EPB41: variants seen among roughly 807,000 people sequenced by gnomAD.
EPB41 encodes the protein protein 4.1.
In EPB41, 65 loss-of-function variants were observed where a neutral mutation model predicts 108.0. That is an observed-to-expected ratio of 0.60 (90% CI 0.49 to 0.74). The LOEUF (loss-of-function observed/expected upper bound fraction) is 0.74, where lower values mean the gene tolerates loss of function less well. EPB41 is among the 30% of genes least tolerant of loss of function. EPB41 has a pLI of 0.00. For synonymous variants in EPB41, 336 were observed against 358.9 expected (o/e 0.94, Z 0.72); for missense variants, 875 against 1,037.0 (o/e 0.84, Z 2.15).
chr1:28,989,199 C>A (rs1250395528), intron 2 of EPB41, among the ~76,000 whole-genome samples: 1 of 152,178 alleles, frequency 6.6e-6, no homozygotes, highest in Non-Finnish European at 1.5e-5. Flanking sequence ...AAGTCTAGCT[C>A]TTTCTATCAC....
chr1:28,987,001 C>T (rs1305312017), intron 1 of EPB41, among the ~76,000 whole-genome samples: 1 of 152,134 alleles, frequency 6.6e-6, no homozygotes, highest in Admixed American at 6.5e-5. Context: ...TAAATTTCAT[C>T]GTCTCTTGGT....
chr1:29,029,336 G>A (rs2150251285), intron 7 of EPB41, among the ~76,000 whole-genome samples: 1 of 152,238 alleles, frequency 6.6e-6, no homozygotes, highest in African/African-American at 2.4e-5. Flanking sequence ...TAAATCAGTA[G>A]CAAATCTGCA....
At chr1:28,924,357 C>T (rs530139734) in intron 1 of EPB41, among the ~76,000 whole-genome samples, 100 of 152,310 alleles carry the variant, frequency 6.6e-4, no homozygotes, top group African/African-American at 1.9e-3. Flanking sequence ...GGCGAAACCC[C>T]GTCTCTACTA....
chr1:29,013,377 A>AAAAAC (rs1048976372), intron 5 of EPB41, among the ~76,000 whole-genome samples: 3 of 152,168 alleles, frequency 2.0e-5, no homozygotes, highest in African/African-American at 7.2e-5. Flanking sequence ...CATGGGGGAA[A>AAAAAC]AAAACAAAAC....
intron 1 of EPB41, among the ~76,000 whole-genome samples, chr1:28,966,477 G>A (rs147135386): frequency 4.4e-4 from 67 of 152,302 alleles, no homozygotes; most frequent in African/African-American, 1.4e-3. Flanking sequence ...ATGAAACAAT[G>A]AACAAAACAA....
Position 28,987,728 on chromosome 1 carries a change from A to G in EPB41, c.291A>G (p.Glu97=). 6.2e-7 allele frequency: 1 copy of G among 1,614,178 alleles called. No homozygotes were observed. Among genetic ancestry groups the G allele is most frequent in the Non-Finnish European group, 8.5e-7 (1 of 1,180,036 alleles). The change falls in exon 2 of 21, where the codon GAA becomes GAG. Residue 97 remains glutamate (E), a synonymous_variant. Transcript: ENST00000343067. Reference sequence around the variant, plus strand: ...GGCCCAAATCTCAGGTGTCCGAGGAAGAAGGCAAAGAAGTAGAGTCAGATA... The same window carrying G: ...GGCCCAAATCTCAGGTGTCCGAGGAGGAAGGCAAAGAAGTAGAGTCAGATA... ...LKRPKSQVSE[E]EGKEVESDKE...
intron 16 of EPB41, among the ~76,000 whole-genome samples, chr1:29,078,473 A>T (rs1655027935): frequency 6.6e-6 from 1 of 152,046 alleles, no homozygotes; most frequent in Admixed American, 6.5e-5. Context: ...TCAAAAATAC[A>T]TACTGCTGGG....
chr1:28,987,432 A>G lies in EPB41; in HGVS notation c.-6A>G, dbSNP rs746138624. The G allele has an allele frequency of 5.6e-6, 9 of 1,613,920 alleles. 1 individual carries two copies. The South Asian group carries it at 8.8e-5, about 16-fold the overall frequency. ...CCTTTTCTATCTTCTTTTTAATAGC[A>G]ACATCATGACAACAGAGAAGAGTTT... On this transcript the variant is annotated splice_region_variant and 5_prime_UTR_variant, in exon 2 of 21. Transcript: ENST00000343067.
chr1:29,033,277 C>A, intron 9 of EPB41, 32 bp downstream of exon 9: 1 of 1,609,926 alleles, frequency 6.2e-7, no homozygotes, highest in East Asian at 2.2e-5. Flanking sequence ...CCTCCCAAAC[C>A]AGACACAGTC....
intron 11 of EPB41, among the ~76,000 whole-genome samples, chr1:29,040,835 G>A (rs996208708): frequency 1.2e-4 from 18 of 151,930 alleles, no homozygotes; most frequent in African/African-American, 3.9e-4. Flanking sequence ...AAAAAGAGTG[G>A]CTAATAAATA....
intron 12 of EPB41, among the ~76,000 whole-genome samples, chr1:29,056,775 C>T (rs1645535529): frequency 6.6e-6 from 1 of 152,090 alleles, no homozygotes; most frequent in African/African-American, 2.4e-5. Flanking sequence ...ATCCGCCCAC[C>T]TCGGCCTCCC....
intron 12 of EPB41, among the ~76,000 whole-genome samples, chr1:29,055,586 A>T (rs1266206693): frequency 6.6e-6 from 1 of 151,716 alleles, no homozygotes; most frequent in Admixed American, 6.6e-5. Flanking sequence ...CACCTCTGAT[A>T]ACTTATTATT....
chr1:28,914,979 G>A (rs900294727), intron 1 of EPB41, among the ~76,000 whole-genome samples: 5 of 152,060 alleles, frequency 3.3e-5, no homozygotes, highest in Non-Finnish European at 7.4e-5. Flanking sequence ...GCGAGGGGCG[G>A]GCCAGAGCCG....
intron 8 of EPB41, among the ~76,000 whole-genome samples, chr1:29,031,361 G>A (rs1340054041): frequency 6.6e-6 from 1 of 152,196 alleles, no homozygotes; most frequent in African/African-American, 2.4e-5. Context: ...CATTAAATAT[G>A]TAGATCCCTG....
At chr1:28,920,565 A>G (rs2092999121) in intron 1 of EPB41, among the ~76,000 whole-genome samples, 1 of 152,248 alleles carries the variant, frequency 6.6e-6, no homozygotes, top group African/African-American at 2.4e-5. Context: ...AAAAGTTATG[A>G]TAGAAAAGTT....
In EPB41 at chr1:29,030,507, T is replaced by C. The variant is rs1370964115; in HGVS notation, c.1212+20T>C. On this transcript the variant is annotated intron_variant, in intron 8 of 20. Transcript: ENST00000343067. ...GCAAAGGTAATGATAACTTTGCCCT[T>C]TATTAATATGCATGTGGAAGATATT... 6.5e-7 allele frequency: 1 copy of C among 1,545,774 alleles called. No homozygotes were observed. Among genetic ancestry groups the C allele is most frequent in the Non-Finnish European group, 8.9e-7 (1 of 1,118,042 alleles).
chr1:28,947,287 A>G (rs2148890595), intron 1 of EPB41, among the ~76,000 whole-genome samples: 1 of 152,146 alleles, frequency 6.6e-6, no homozygotes, highest in African/African-American at 2.4e-5. Flanking sequence ...GCGCGCCTGT[A>G]GTCCCAGCTA....
At chr1:28,892,618 G>A (rs568673299) in intron 1 of EPB41, among the ~76,000 whole-genome samples, 4 of 152,120 alleles carry the variant, frequency 2.6e-5, no homozygotes, top group East Asian at 3.9e-4. Flanking sequence ...GGGAGGCTGA[G>A]ACAGGAGAAT....
At chr1:28,921,601 C>T (rs1029615403) in intron 1 of EPB41, among the ~76,000 whole-genome samples, 1 of 151,880 alleles carries the variant, frequency 6.6e-6, no homozygotes, top group African/African-American at 2.4e-5. Context: ...GTTTCTTGCC[C>T]TTTTCTCTTT....
Sources: gnomAD v4.1 joint callset for allele counts (sites outside exome capture counted in the v4.1 genomes callset) on GRCh38, gnomAD v4.1.1 for gene constraint, MANE v1.5 for transcripts, NCBI Gene and HGNC (gene_info 2026-07-23, HGNC 2026-07-21) for gene names.